C2CD5: variants seen among roughly 807,000 people sequenced by gnomAD.
The protein encoded by C2CD5 is C2 domain-containing protein 5.
In C2CD5, 109 loss-of-function variants were observed where a neutral mutation model predicts 130.3. The observed-to-expected ratio is 0.84, with a 90% confidence interval of 0.72 to 0.98. C2CD5 has a LOEUF of 0.98. C2CD5 is among the 50% of genes least tolerant of loss of function. C2CD5 has a pLI of 0.00. For missense variants in C2CD5, 996 were observed against 1,261.8 expected (o/e 0.79, Z 3.19); for synonymous variants, 454 against 429.2 (o/e 1.06, Z -0.71).
chr12:22,535,749 C>G (rs1044096427), intron 2 of C2CD5, among the ~76,000 whole-genome samples: 1 of 152,144 alleles, frequency 6.6e-6, no homozygotes, highest in Non-Finnish European at 1.5e-5. Flanking sequence ...GAAATGCAAA[C>G]TAAAATATTT....
At chr12:22,498,368 G>A (rs11611495) in intron 10 of C2CD5, among the ~76,000 whole-genome samples, 102 of 151,898 alleles carry the variant, frequency 6.7e-4, no homozygotes, top group Non-Finnish European at 1.2e-3. Flanking sequence ...GAATAAAAAC[G>A]TGACTGAATT....
At chr12:22,498,377 T>C (rs952277106) in intron 10 of C2CD5, among the ~76,000 whole-genome samples, 3 of 151,992 alleles carry the variant, frequency 2.0e-5, no homozygotes, top group African/African-American at 4.8e-5. Context: ...CGTGACTGAA[T>C]TGAAACTTAA....
At position 22,532,655 on chromosome 12, in the gene C2CD5, A is replaced by T. The variant is rs191829283; in HGVS notation, c.177+2603T>A. On this transcript the variant is annotated intron_variant, in intron 3 of 26. Coordinates refer to ENST00000446597, the MANE Select transcript of C2CD5 (RefSeq NM_001286176.2). ...TCCTAATATAAACCATAAGCAAAGC[A>T]GCGCCTAAAAATCGTAGTGTCATTT... Among the ~76,000 whole-genome samples the T allele has an allele frequency of 3.9e-4, 59 of 152,362 alleles. 1 individual carries two copies. Among genetic ancestry groups the T allele is most frequent in the African/African-American group, 1.4e-3 (58 of 41,588 alleles).
chr12:22,472,260 C>T, intron 18 of C2CD5, 26 bp downstream of exon 18: 1 of 1,364,880 alleles, frequency 7.3e-7, no homozygotes, highest in Non-Finnish European at 1.0e-6. Context: ...GTGTTATGTG[C>T]TTAAAATTAA....
intron 10 of C2CD5, among the ~76,000 whole-genome samples, chr12:22,495,160 T>G (rs1480343299): frequency 6.6e-6 from 1 of 152,146 alleles, no homozygotes; most frequent in Non-Finnish European, 1.5e-5. Context: ...CTGTTTACTT[T>G]TTAAACCATT....
rs1318055946 is a variant in C2CD5 at position 22,470,901 on chromosome 12, G to A, written c.2369C>T (p.Thr790Met). The A allele has an allele frequency of 8.1e-6, 13 of 1,609,116 alleles. No individual in the cohort carries two copies. The highest frequency in any genetic ancestry group is 2.2e-5 in the East Asian group (1 of 44,800). ...PEDELIQVTV[T>M]AVAITFDKNQ... ...TTTGTCAAAAGTGATTGCGACTGCCGTGACTGTAACCTAGAATTATAAAAA... is the reference window on the plus strand; with the variant it reads ...TTTGTCAAAAGTGATTGCGACTGCCATGACTGTAACCTAGAATTATAAAAA... The change falls in exon 21 of 27, where the codon ACG (threonine) becomes ATG (methionine). Residue 790 changes from threonine (T) to methionine (M), a missense_variant. Coordinates refer to ENST00000446597, the MANE Select transcript of C2CD5 (RefSeq NM_001286176.2).
In C2CD5 at chr12:22,472,309, T is replaced by C. The variant is rs1410832838; in HGVS notation, c.2146A>G (p.Asn716Asp). The C allele has an allele frequency of 1.3e-6, 2 of 1,518,262 alleles. No individual in the cohort carries two copies. Among genetic ancestry groups the C allele is most frequent in the Non-Finnish European group, 1.8e-6 (2 of 1,107,448 alleles). 94.0% of individuals were successfully genotyped at this position (1,518,262 alleles called of 1,614,324 possible). The change falls in exon 18 of 27, where the codon AAT (asparagine) becomes GAT (aspartate). Residue 716 changes from asparagine (N) to aspartate (D), a missense_variant. Around this residue, in one of 9 missense-constraint regions of C2CD5, gnomAD observed 590 missense variants for 631.4 expected, o/e 0.93. Coordinates refer to ENST00000446597, the MANE Select transcript of C2CD5 (RefSeq NM_001286176.2). ...SCNTEIMPGINNWTSEIQMFT... is the reference protein window; with the variant it reads ...SCNTEIMPGIDNWTSEIQMFT... The stretch of plus-strand genomic sequence containing the variant: ...ACCTGTATTTCAGAGGTCCAATTAT[T>C]TATACCGGGCATAATTTCTGTATTA...
intron 22 of C2CD5, chr12:22,460,630 T>A (rs1940937259): frequency 6.6e-6 from 1 of 151,824 alleles, no homozygotes; most frequent in Non-Finnish European, 1.5e-5. Flanking sequence ...CAGGCTGGAG[T>A]GTAGTGGCAC....
Position 22,471,952 on chromosome 12 carries a change from T to C in C2CD5, c.2268+15A>G. On this transcript the variant is annotated intron_variant, in intron 19 of 26. Transcript: ENST00000446597. ...TATAGACGCATGAAATAAAATTTAG[T>C]CAGAAGGTTCCTACCTTGAGCAAAT... 9.4e-6 allele frequency: 13 copies of C among 1,377,928 alleles called. No individual in the cohort carries two copies. Among genetic ancestry groups the C allele is most frequent in the Non-Finnish European group, 1.3e-5 (13 of 965,368 alleles). The allele number at this position is 1,377,928 out of a possible 1,614,324, so 85.4% of individuals were successfully genotyped here.
intron 26 of C2CD5, 141 bp downstream of exon 26, chr12:22,453,755 A>G: frequency 1.4e-6 from 1 of 697,988 alleles, no homozygotes; most frequent in Non-Finnish European, 2.5e-6. Flanking sequence ...CATGGTTATG[A>G]ATAAACTCAT....
In C2CD5 at chr12:22,472,470, A is replaced by G. The variant is rs1943194663; in HGVS notation, c.2108-123T>C. The G allele has an allele frequency of 7.8e-6, 5 of 639,626 alleles. 1 individual carries two copies. The highest frequency in any genetic ancestry group is 6.4e-5 in the South Asian group (3 of 46,998). 39.6% of individuals were successfully genotyped at this position (639,626 alleles called of 1,614,324 possible). On this transcript the variant is annotated intron_variant, in intron 17 of 26. Coordinates refer to ENST00000446597, the MANE Select transcript of C2CD5 (RefSeq NM_001286176.2). ...CACCCTTCATTTTTTTTCTTCTAAA[A>G]CTATACCTGCAGGAGACTTTAAACC...
intron 2 of C2CD5, among the ~76,000 whole-genome samples, chr12:22,536,578 C>T (rs988723634): frequency 3.3e-5 from 5 of 151,978 alleles, no homozygotes; most frequent in Non-Finnish European, 7.4e-5. Context: ...GAAGATATTA[C>T]ACAATAACTG....
chr12:22,541,331 T>C (rs1952358682), intron 2 of C2CD5, among the ~76,000 whole-genome samples: 1 of 152,176 alleles, frequency 6.6e-6, no homozygotes, highest in Non-Finnish European at 1.5e-5. Flanking sequence ...ATTTGAACTA[T>C]TATAGAATCT....
At position 22,495,564 on chromosome 12, in the gene C2CD5, C is replaced by CA. The variant is rs200006225; in HGVS notation, c.1148-2228dup. Among the ~76,000 whole-genome samples, 114 of 135,152 alleles carry CA rather than the reference C, an allele frequency of 8.4e-4. 1 individual carries two copies. The highest frequency in any genetic ancestry group is 1.1e-3 in the East Asian group (5 of 4,630). 88.7% of individuals were successfully genotyped at this position (135,152 alleles called of 152,430 possible). A position where few individuals can be genotyped will look rare whatever the true frequency, so the allele number is the denominator to read the frequency against. On this transcript the variant is annotated intron_variant, in intron 10 of 26. Transcript: ENST00000446597. ...GTGGCTGATTCAAAAAACAAACGAA[C>CA]AAAAAAAAAAAAGCTGAATGCAGCG...
At chr12:22,480,493 G>C (rs1023660325) in intron 14 of C2CD5, among the ~76,000 whole-genome samples, 4 of 152,208 alleles carry the variant, frequency 2.6e-5, no homozygotes, top group Non-Finnish European at 5.9e-5. Flanking sequence ...TAGTGATCAA[G>C]AAGGAAAGAA....
At chr12:22,537,978 T>C (rs1476544768) in intron 2 of C2CD5, among the ~76,000 whole-genome samples, 2 of 152,182 alleles carry the variant, frequency 1.3e-5, no homozygotes, top group African/African-American at 4.8e-5. Context: ...CTTCACTGGG[T>C]CCCTACACTC....
At chr12:22,524,659 T>C in intron 5 of C2CD5, 32 bp from the exon 6 acceptor site, 2 of 1,574,484 alleles carry the variant, frequency 1.3e-6, no homozygotes, top group Non-Finnish European at 1.7e-6. Flanking sequence ...CTTCTGTTTA[T>C]CAAAAGGTAA....
At chr12:22,519,326 C>A in intron 7 of C2CD5, 1 of 1,197,492 alleles carries the variant, frequency 8.4e-7, no homozygotes, top group Non-Finnish European at 1.1e-6. Flanking sequence ...TTCAAAGGAG[C>A]TTTAGTCAGG....
At position 22,449,811 on chromosome 12, in the gene C2CD5, T is replaced by A; in HGVS notation, c.3105A>T (p.Gln1035His). The A allele has an allele frequency of 6.2e-7, 1 of 1,610,868 alleles. No homozygotes were observed. Among genetic ancestry groups the A allele is most frequent in the Non-Finnish European group, 8.5e-7 (1 of 1,177,644 alleles). The change falls in exon 27 of 27, where the codon CAA becomes CAT. Residue 1035 changes from glutamine to histidine, a missense_variant. By Grantham distance (24) the Gln-to-His change is conservative. Transcript: ENST00000446597. ...ESDLEVVSSQ[Q>H]PTTNCQSSCT... ...ATGATGACTGGCAGTTGGTAGTAGGTTGCTGAGATGACACCACTTCTAAGT... is the reference window on the plus strand; with the variant it reads ...ATGATGACTGGCAGTTGGTAGTAGGATGCTGAGATGACACCACTTCTAAGT...
Sources: gnomAD v4.1 joint callset for allele counts (sites outside exome capture counted in the v4.1 genomes callset) on GRCh38, gnomAD v4.1.1 for gene constraint, gnomAD v4.1.1 regional missense constraint, MANE v1.5 for transcripts, NCBI Gene and HGNC (gene_info 2026-07-23, HGNC 2026-07-21) for gene names.